RPS6KC1: variants seen among roughly 807,000 people sequenced by gnomAD.
RPS6KC1 encodes the protein inactive ribosomal protein S6 kinase delta-1.
RPS6KC1 carries 54 observed loss-of-function variants against 103.8 expected under a neutral mutation model. The observed-to-expected ratio is 0.52, with a 90% CI of 0.42 to 0.65. RPS6KC1 has a LOEUF of 0.65. Ranked by LOEUF, RPS6KC1 falls within the 30% of genes least tolerant of loss-of-function variation. The probability of loss-of-function intolerance (pLI) is 0.00; values close to 1 mark genes in which losing one functional copy is unlikely to be tolerated. For missense variants in RPS6KC1, 1,151 were observed against 1,253.8 expected (o/e 0.92, Z 1.24); for synonymous variants, 439 against 438.7 (o/e 1.00, Z -0.01).
the RPS6KC1 span, among the ~76,000 whole-genome samples, chr1:213,344,787 A>G: frequency 2.0e-5 from 3 of 152,306 alleles, no homozygotes; most frequent in Admixed American, 2.0e-4. Context: ...CACCCGCCTC[A>G]GCCTCCCAAA....
the RPS6KC1 span, among the ~76,000 whole-genome samples, chr1:213,551,415 C>T: frequency 3.3e-5 from 5 of 152,082 alleles, no homozygotes; most frequent in African/African-American, 7.2e-5. Context: ...TCTAAGTGCT[C>T]GGGAACTTTT....
the RPS6KC1 span, among the ~76,000 whole-genome samples, chr1:213,561,862 C>A: frequency 3.9e-5 from 6 of 152,116 alleles, no homozygotes; most frequent in African/African-American, 1.4e-4. Flanking sequence ...ATGTGTCTAC[C>A]CCAGGAATAA....
chr1:213,289,696 A>G, the RPS6KC1 span, among the ~76,000 whole-genome samples: 1 of 152,210 alleles, frequency 6.6e-6, no homozygotes, highest in Non-Finnish European at 1.5e-5. Context: ...TATCTACTCT[A>G]TGAGGAAAAT....
At chr1:213,605,904 C>T in the RPS6KC1 span, among the ~76,000 whole-genome samples, 3 of 152,194 alleles carry the variant, frequency 2.0e-5, no homozygotes, top group African/African-American at 4.8e-5. Flanking sequence ...AAGGATGCCG[C>T]CGATTACAGA....
the RPS6KC1 span, among the ~76,000 whole-genome samples, chr1:213,401,420 G>C: frequency 4.6e-5 from 7 of 152,218 alleles, no homozygotes; most frequent in African/African-American, 1.7e-4. Flanking sequence ...ACACCCAGAT[G>C]TTTTCACAAT....
At chr1:213,451,524 T>A in the RPS6KC1 span, among the ~76,000 whole-genome samples, 1 of 152,196 alleles carries the variant, frequency 6.6e-6, no homozygotes, top group Non-Finnish European at 1.5e-5. Context: ...TTCAGCTGCC[T>A]TGTTGTCTCC....
the RPS6KC1 span, among the ~76,000 whole-genome samples, chr1:213,788,715 T>C: frequency 3.3e-5 from 5 of 152,134 alleles, no homozygotes; most frequent in African/African-American, 9.7e-5. Context: ...AAATCTCTCT[T>C]AACATTCCTG....
chr1:213,602,694 C>A, the RPS6KC1 span, among the ~76,000 whole-genome samples: 1 of 152,162 alleles, frequency 6.6e-6, no homozygotes, highest in Non-Finnish European at 1.5e-5. Context: ...AGGCTCAGAT[C>A]AAAGTTAAGG....
the RPS6KC1 span, among the ~76,000 whole-genome samples, chr1:213,658,785 G>A: frequency 6.6e-6 from 1 of 152,124 alleles, no homozygotes; most frequent in Admixed American, 6.5e-5. Context: ...GAAACTGGGG[G>A]AAATGCCTGC....
the RPS6KC1 span, among the ~76,000 whole-genome samples, chr1:213,456,687 A>C: frequency 5.9e-5 from 9 of 152,342 alleles, no homozygotes; most frequent in Admixed American, 1.3e-4. Flanking sequence ...TTGCCTATTA[A>C]AATGTTCTAT....
the RPS6KC1 span, among the ~76,000 whole-genome samples, chr1:213,316,520 CTAT>C: frequency 6.6e-6 from 1 of 152,154 alleles, no homozygotes; most frequent in Non-Finnish European, 1.5e-5. Context: ...TACTGAGTGT[CTAT>C]TATGTGCTAG....
the RPS6KC1 span, among the ~76,000 whole-genome samples, chr1:213,699,493 G>C: frequency 5.3e-5 from 8 of 152,112 alleles, no homozygotes; most frequent in Non-Finnish European, 8.8e-5. Context: ...AATCTTGGCT[G>C]TTGTGAATAG....
chr1:213,719,832 A>G, the RPS6KC1 span, among the ~76,000 whole-genome samples: 9 of 152,176 alleles, frequency 5.9e-5, no homozygotes, highest in Non-Finnish European at 1.3e-4. Context: ...AATGTTGGTG[A>G]TAGGGAGGAG....
At chr1:213,282,585 C>A in the RPS6KC1 span, among the ~76,000 whole-genome samples, 1 of 152,224 alleles carries the variant, frequency 6.6e-6, no homozygotes, top group African/African-American at 2.4e-5. Context: ...TGATGGTTGA[C>A]TTTTGGAGTG....
the RPS6KC1 span, among the ~76,000 whole-genome samples, chr1:213,480,673 C>T: frequency 1.3e-5 from 2 of 151,936 alleles, no homozygotes; most frequent in African/African-American, 2.4e-5. Flanking sequence ...AATGGTAAAA[C>T]TTTGTAGTAA....
the RPS6KC1 span, among the ~76,000 whole-genome samples, chr1:213,338,843 G>T: frequency 6.6e-6 from 1 of 151,800 alleles, no homozygotes; most frequent in African/African-American, 2.4e-5. Context: ...GGGCTCAAGG[G>T]ATCCTCTTGT....
chr1:213,258,558 A>G (rs1021063825), intron 12 of RPS6KC1, among the ~76,000 whole-genome samples: 3 of 152,172 alleles, frequency 2.0e-5, no homozygotes, highest in Admixed American at 6.5e-5. Context: ...GTGCTGCTTC[A>G]TGTGTGTTGG....
At chr1:213,365,326 C>G in the RPS6KC1 span, among the ~76,000 whole-genome samples, 1 of 152,214 alleles carries the variant, frequency 6.6e-6, no homozygotes, top group Non-Finnish European at 1.5e-5. Context: ...TGTCTCTCCC[C>G]CTTCTACCTG....
chr1:213,071,013 C>A lies in RPS6KC1; in HGVS notation c.113C>A (p.Ser38Ter). 1.3e-6 allele frequency: 2 copies of A among 1,540,602 alleles called. No individual in the cohort carries two copies. Among genetic ancestry groups the A allele is most frequent in the South Asian group, 1.2e-5 (1 of 83,198 alleles). ...ATGTATGTTTTGTTTTAGGTTGTTT[C>A]ACGAAGAAATCCAGAGGATGTCCAG... ...TVYKVTARVV[S>*]RRNPEDVQEI... is the part of the protein sequence containing the mutation. Residue 38 changes from serine to a stop codon, truncating the protein, a stop_gained, in exon 2 of 15, where the codon TCA (serine) becomes TAA (stop). Coordinates refer to ENST00000366960, the MANE Select transcript of RPS6KC1 (RefSeq NM_012424.6). LOFTEE classifies it high-confidence loss of function.
Sources: gnomAD v4.1 joint callset for allele counts (sites outside exome capture counted in the v4.1 genomes callset) on GRCh38, gnomAD v4.1.1 for gene constraint, MANE v1.5 for transcripts, NCBI Gene and HGNC (gene_info 2026-07-23, HGNC 2026-07-21) for gene names.